The following CPED1 variants were observed in gnomAD, a reference collection of about 807,000 sequenced individuals.
CPED1 encodes cadherin like and PC-esterase domain containing 1.
A neutral mutation model predicts 128.2 loss-of-function variants in CPED1; 114 were observed. The ratio of observed to expected loss-of-function variants is 0.89; its 90% CI spans 0.76 to 1.04. The LOEUF (loss-of-function observed/expected upper bound fraction) is 1.04, where lower values mean the gene tolerates loss of function less well. Among genes scored for constraint, CPED1 ranks in the 50% least tolerant of loss-of-function variants. CPED1 has a pLI of 0.00. For synonymous variants in CPED1, 462 were observed against 426.7 expected, an observed-to-expected ratio of 1.08 and a Z score of -1.02; for missense variants, 1,211 against 1,207.1, an observed-to-expected ratio of 1.00 and a Z score of -0.05.
chr7:121,173,769 A>G (rs916992979), intron 16 of CPED1, among the ~76,000 whole-genome samples: 4 of 152,054 alleles, frequency 2.6e-5, no homozygotes, highest in Non-Finnish European at 4.4e-5. Context: ...TGCTGGGTCA[A>G]ATTTCAGTTC....
intron 4 of CPED1, among the ~76,000 whole-genome samples, chr7:121,055,310 G>T (rs577159660): frequency 6.6e-6 from 1 of 151,944 alleles, no homozygotes; most frequent in Admixed American, 6.6e-5. Flanking sequence ...GCTGCCCAAC[G>T]TTTCTATAAA....
At chr7:121,170,170 A>C (rs1185395225) in intron 16 of CPED1, among the ~76,000 whole-genome samples, 1 of 152,186 alleles carries the variant, frequency 6.6e-6, no homozygotes, top group Non-Finnish European at 1.5e-5. Flanking sequence ...TCCATATATA[A>C]GAAATCTGTC....
intron 7 of CPED1, among the ~76,000 whole-genome samples, chr7:121,101,634 T>A (rs923796420): frequency 1.3e-5 from 2 of 152,048 alleles, no homozygotes; most frequent in Non-Finnish European, 2.9e-5. Context: ...TAAAGAAAAA[T>A]GTTTATTTAG....
intron 2 of CPED1, among the ~76,000 whole-genome samples, chr7:121,001,674 T>C (rs994565863): frequency 6.6e-5 from 10 of 152,144 alleles, no homozygotes; most frequent in African/African-American, 2.4e-4. Context: ...AAACAGATCC[T>C]GCCGTGACCC....
chr7:121,080,485 G>T (rs536321057), intron 5 of CPED1, among the ~76,000 whole-genome samples: 39 of 152,148 alleles, frequency 2.6e-4, no homozygotes, highest in Middle Eastern at 6.8e-3. Context: ...TTGCAGAAGT[G>T]GTCAAACTTT....
rs547423304 is a variant in CPED1 at position 121,105,582 on chromosome 7, T to C, written c.918+5488T>C. On this transcript the variant is annotated intron_variant, in intron 7 of 22. Transcript: ENST00000310396. ...AGTTGACGTATTACTTAACCTACTT[T>C]TGCTTGAATTAAATTTTAAAATTGC... Among the ~76,000 whole-genome samples, 11 of 152,226 alleles carry C rather than the reference T, an allele frequency of 7.2e-5. No homozygotes were observed. The South Asian group carries it at 2.3e-3, about 32-fold the overall frequency.
In CPED1 at chr7:120,989,583, C is replaced by T. The variant is rs1796274518; in HGVS notation, c.-39C>T. On this transcript the variant is annotated 5_prime_UTR_variant, in exon 2 of 23. Coordinates refer to ENST00000310396, the MANE Select transcript of CPED1 (RefSeq NM_024913.5). The stretch of plus-strand genomic sequence containing the variant: ...CAAAAAATAGCTGCTATGACTTTTC[C>T]CGCAACGTGGACAGGGGCCAAGTGA... 6.2e-7 allele frequency: 1 copy of T among 1,601,986 alleles called. No homozygotes were observed. Among genetic ancestry groups the T allele is most frequent in the Non-Finnish European group, 8.5e-7 (1 of 1,174,744 alleles).
chr7:121,202,903 G>A (rs1333213564), intron 16 of CPED1, among the ~76,000 whole-genome samples: 2 of 152,082 alleles, frequency 1.3e-5, no homozygotes, highest in Non-Finnish European at 2.9e-5. Flanking sequence ...CTCTAGAAAG[G>A]CTTATAGACC....
chr7:121,214,217 C>T (rs1724914245), intron 16 of CPED1, among the ~76,000 whole-genome samples: 1 of 152,034 alleles, frequency 6.6e-6, no homozygotes, highest in Admixed American at 6.6e-5. Flanking sequence ...CCACTGTAAA[C>T]TCACATCTTT....
chr7:121,236,762 ATTTC>A lies in CPED1; in HGVS notation c.2107_2110del (p.Ser703LeufsTer12), dbSNP rs748523735. On this transcript the variant is annotated frameshift_variant, in exon 17 of 23. Coordinates refer to ENST00000310396, the MANE Select transcript of CPED1 (RefSeq NM_024913.5). LOFTEE classifies it high-confidence loss of function. ...AGAGGAAACCTGTGGGTTACAGCCT[ATTTC>A]TTCTGACTACATTGAAGCCATTTTA... is the stretch of plus-strand genomic sequence containing the variant. 6.2e-7 allele frequency: 1 copy of A among 1,610,118 alleles called. No homozygotes were observed. Among genetic ancestry groups the A allele is most frequent in the Non-Finnish European group, 8.5e-7 (1 of 1,178,518 alleles).
chr7:121,240,781 G>T (rs867112333), intron 17 of CPED1, among the ~76,000 whole-genome samples: 11 of 10,000 alleles, frequency 1.1e-3, no homozygotes, highest in South Asian at 4.2e-3. Flanking sequence ...AAAAAAAAAA[G>T]TGACGGGGAA....
chr7:121,045,406 A>T (rs745319760), intron 3 of CPED1, among the ~76,000 whole-genome samples: 13 of 152,372 alleles, frequency 8.5e-5, no homozygotes, highest in Non-Finnish European at 1.5e-4. Context: ...AATTAAAAAC[A>T]GAGGAACCAG....
intron 16 of CPED1, among the ~76,000 whole-genome samples, chr7:121,191,225 C>G (rs956974123): frequency 1.3e-5 from 2 of 152,038 alleles, no homozygotes; most frequent in Non-Finnish European, 2.9e-5. Context: ...CGAAAAACAC[C>G]GAGCATAGAA....
At chr7:121,136,718 T>G (rs1795792762) in intron 14 of CPED1, among the ~76,000 whole-genome samples, 1 of 152,088 alleles carries the variant, frequency 6.6e-6, no homozygotes, top group Admixed American at 6.6e-5. Context: ...ATCACAAAGC[T>G]AGATCTTCAG....
At chr7:121,094,415 G>T (rs544534281) in intron 5 of CPED1, among the ~76,000 whole-genome samples, 1 of 152,228 alleles carries the variant, frequency 6.6e-6, no homozygotes, top group East Asian at 1.9e-4. Context: ...TTTGACTGTG[G>T]TGTATATACT....
At chr7:121,094,151 A>G (rs990335334) in intron 5 of CPED1, among the ~76,000 whole-genome samples, 1 of 152,210 alleles carries the variant, frequency 6.6e-6, no homozygotes, top group Non-Finnish European at 1.5e-5. Context: ...TATACTTCTA[A>G]TCTCAAAACT....
rs557852171 is a variant in CPED1 at position 121,049,778 on chromosome 7, A to G, written c.540+2785A>G. ...TTGTCTGCCTGGAATGCTCTTTCTC[A>G]GTCCTCTTTGCCTCAGTGATTTTCA... On this transcript the variant is annotated intron_variant, in intron 4 of 22. Coordinates refer to ENST00000310396, the MANE Select transcript of CPED1 (RefSeq NM_024913.5). Among the ~76,000 whole-genome samples the G allele has an allele frequency of 3.9e-5, 6 of 152,196 alleles. No individual in the cohort carries two copies. The East Asian group carries it at 1.2e-3, about 29-fold the overall frequency.
chr7:121,221,115 A>G (rs9692173), intron 16 of CPED1, among the ~76,000 whole-genome samples: 150,072 of 152,136 alleles, frequency 0.99, 74,053 homozygotes, highest in Middle Eastern at 1. Flanking sequence ...ATCTGTCCCC[A>G]AGTCCCCCAC....
intron 5 of CPED1, among the ~76,000 whole-genome samples, chr7:121,067,614 T>C: frequency 6.6e-6 from 1 of 152,240 alleles, no homozygotes; most frequent in Non-Finnish European, 1.5e-5. Context: ...TTTGTAATCC[T>C]TTGGGTATAT....
Sources: allele counts gnomAD v4.1 joint callset (sites outside exome capture counted in the v4.1 genomes callset), GRCh38; gene constraint gnomAD v4.1.1; transcripts MANE v1.5; gene names NCBI Gene and HGNC (gene_info 2026-07-23, HGNC 2026-07-21).